The following EPB41L4A variants were observed in gnomAD, a reference collection of about 807,000 sequenced individuals.
The protein encoded by EPB41L4A is band 4.1-like protein 4A.
In EPB41L4A, 100 loss-of-function variants were observed where a neutral mutation model predicts 108.6. That is an observed-to-expected ratio of 0.92 (90% CI 0.78 to 1.09). The LOEUF is 1.09. Among genes scored for constraint, EPB41L4A ranks in the 50% least tolerant of loss-of-function variants. EPB41L4A has a pLI of 0.00. For synonymous variants in EPB41L4A, 319 were observed against 289.0 expected (o/e 1.10, Z -1.05); for missense variants, 1,030 against 842.7 (o/e 1.22, Z -2.75).
intron 12 of EPB41L4A, among the ~76,000 whole-genome samples, chr5:112,230,439 G>A (rs13153601): frequency 0.3 from 45,776 of 151,936 alleles, 7,643 homozygotes; most frequent in Non-Finnish European, 0.38. Flanking sequence ...GGAGTAAAGC[G>A]GTATCTCATT....
chr5:112,395,361 A>G (rs1386037320), intron 1 of EPB41L4A, among the ~76,000 whole-genome samples: 3 of 152,240 alleles, frequency 2.0e-5, no homozygotes, highest in Admixed American at 6.5e-5. Context: ...CAAAGGACTA[A>G]TATCCAGAAT....
rs1405035085 is a variant in EPB41L4A at position 112,170,353 on chromosome 5, G to T, written c.1687C>A (p.Pro563Thr). 12 of 1,610,676 alleles carry T rather than the reference G, an allele frequency of 7.5e-6. No homozygotes were observed. Among genetic ancestry groups the T allele is most frequent in the Middle Eastern group, 1.6e-4 (1 of 6,072 alleles). The change falls in exon 20 of 23, where the codon CCA (proline) becomes ACA (threonine). Residue 563 changes from proline (P) to threonine (T), a missense_variant. Transcript: ENST00000261486. ...WKHIQKELVD[P>T]SGLSEEQLKE... is the part of the protein sequence containing the mutation. ...AATTGTTCTTCGGACAATCCGGATG[G>T]ATCCACAAGTTCTTTTCTGTAAAGG...
At chr5:112,225,285 T>C (rs1424238433) in intron 12 of EPB41L4A, among the ~76,000 whole-genome samples, 1 of 152,232 alleles carries the variant, frequency 6.6e-6, no homozygotes, top group East Asian at 1.9e-4. Context: ...TATGCCATCT[T>C]ATGTACTTTA....
At chr5:112,358,322 AT>A (rs1758498253) in intron 1 of EPB41L4A, among the ~76,000 whole-genome samples, 1 of 152,220 alleles carries the variant, frequency 6.6e-6, no homozygotes, top group Non-Finnish European at 1.5e-5. Context: ...GGGATTGGTT[AT>A]GGTGGTTAAC....
At chr5:112,225,768 T>A (rs986498321) in intron 12 of EPB41L4A, among the ~76,000 whole-genome samples, 5 of 152,242 alleles carry the variant, frequency 3.3e-5, no homozygotes, top group African/African-American at 1.2e-4. Context: ...ATATACCATA[T>A]CCTGGAGATC....
intron 1 of EPB41L4A, among the ~76,000 whole-genome samples, chr5:112,352,403 T>G (rs1160892298): frequency 6.6e-6 from 1 of 152,246 alleles, no homozygotes; most frequent in Non-Finnish European, 1.5e-5. Flanking sequence ...TTCCATGTAT[T>G]TGTAGCATTT....
At chr5:112,145,888 C>A (rs1156620196) in exon 13 of EPB41L4A, 5 of 455,964 alleles carry the variant, frequency 1.1e-5, no homozygotes, top group South Asian at 7.8e-5. Flanking sequence ...TACATCCCAG[C>A]CCCAATATCA....
intron 12 of EPB41L4A, among the ~76,000 whole-genome samples, chr5:112,218,405 G>C (rs1283090187): frequency 6.6e-6 from 1 of 152,166 alleles, no homozygotes; most frequent in African/African-American, 2.4e-5. Flanking sequence ...TTTGAGGGAA[G>C]AGAGTTGAGT....
At chr5:112,356,737 T>C (rs76297012) in intron 1 of EPB41L4A, among the ~76,000 whole-genome samples, 7,222 of 152,048 alleles carry the variant, frequency 0.047, 508 homozygotes, top group African/African-American at 0.16. Flanking sequence ...ACTGATGAAA[T>C]GGAAGTAACA....
chr5:112,292,190 C>G (rs533481264), intron 2 of EPB41L4A, among the ~76,000 whole-genome samples: 1 of 152,332 alleles, frequency 6.6e-6, no homozygotes, highest in African/African-American at 2.4e-5. Context: ...TCCTGAGACA[C>G]AGTGGCTGCC....
intron 1 of EPB41L4A, among the ~76,000 whole-genome samples, chr5:112,389,998 T>C (rs1348220235): frequency 6.6e-6 from 1 of 152,198 alleles, no homozygotes; most frequent in East Asian, 1.9e-4. Flanking sequence ...AACTAAGCTC[T>C]AGTAAATAAA....
intron 1 of EPB41L4A, among the ~76,000 whole-genome samples, chr5:112,315,249 C>T (rs1755355401): frequency 6.6e-6 from 1 of 152,188 alleles, no homozygotes; most frequent in Non-Finnish European, 1.5e-5. Context: ...CTTATTTTTG[C>T]CTGTCTCTGA....
chr5:112,344,703 A>C (rs1049380845), intron 1 of EPB41L4A, among the ~76,000 whole-genome samples: 3 of 152,214 alleles, frequency 2.0e-5, no homozygotes, highest in Non-Finnish European at 2.9e-5. Flanking sequence ...TCCGCAGCTC[A>C]ACTCCTGTCC....
chr5:112,181,627 T>C (rs1435663436), intron 18 of EPB41L4A, among the ~76,000 whole-genome samples: 2 of 152,044 alleles, frequency 1.3e-5, no homozygotes, highest in East Asian at 1.9e-4. Flanking sequence ...TGAATAAAAA[T>C]ATTGCAGTAT....
intron 2 of EPB41L4A, among the ~76,000 whole-genome samples, chr5:112,301,223 A>T (rs1372404500): frequency 1.3e-5 from 2 of 152,100 alleles, no homozygotes; most frequent in Non-Finnish European, 2.9e-5. Flanking sequence ...GTTGAAGAAC[A>T]TTCTTTTATC....
At chr5:112,161,279 G>T, downstream of EPB41L4A, 1 of 336,738 alleles carries the variant, frequency 3.0e-6, no homozygotes, top group Non-Finnish European at 5.9e-6. Flanking sequence ...CGTCGGGAGT[G>T]ATCACCTACC....
intron 1 of EPB41L4A, among the ~76,000 whole-genome samples, chr5:112,325,977 C>T (rs1388377975): frequency 1.3e-5 from 2 of 151,994 alleles, no homozygotes; most frequent in Admixed American, 6.6e-5. Context: ...CATTGTAAGA[C>T]CCATCTCTAA....
At chr5:112,351,769 A>G (rs1039594605) in intron 1 of EPB41L4A, among the ~76,000 whole-genome samples, 3 of 152,194 alleles carry the variant, frequency 2.0e-5, no homozygotes, top group African/African-American at 7.2e-5. Context: ...ATCCAAATCC[A>G]GCAACATATC....
At chr5:112,243,062 A>C (rs905266829) in intron 9 of EPB41L4A, among the ~76,000 whole-genome samples, 1 of 151,938 alleles carries the variant, frequency 6.6e-6, no homozygotes, top group African/African-American at 2.4e-5. Flanking sequence ...AAAAATACAG[A>C]AATTAGCTGG....
Sources: allele counts gnomAD v4.1 joint callset (sites outside exome capture counted in the v4.1 genomes callset), GRCh38; gene constraint gnomAD v4.1.1; transcripts MANE v1.5; gene names NCBI Gene and HGNC (gene_info 2026-07-23, HGNC 2026-07-21).